The following LPP variants were observed in gnomAD, a reference collection of about 807,000 sequenced individuals.
LPP encodes LIM domain containing preferred translocation partner in lipoma.
LPP carries 38 observed loss-of-function variants against 60.4 expected under a neutral mutation model. That is an observed-to-expected ratio of 0.63 (90% CI 0.49 to 0.83). The LOEUF (loss-of-function observed/expected upper bound fraction) is 0.83, where lower values mean the gene tolerates loss of function less well. LPP is among the 40% of genes least tolerant of loss of function. The probability of loss-of-function intolerance (pLI) is 0.00; values close to 1 mark genes in which losing one functional copy is unlikely to be tolerated. For synonymous variants in LPP, 328 were observed against 290.8 expected (o/e 1.13, Z -1.30); for missense variants, 902 against 783.6 (o/e 1.15, Z -1.80).
chr3:188,658,137 G>GTTTAGTTTAGTTTAGTTTAGT (rs375100095), intron 7 of LPP, among the ~76,000 whole-genome samples: 26,461 of 145,948 alleles, frequency 0.18, 2,943 homozygotes, highest in Middle Eastern at 0.23. Flanking sequence ...TTTAGTTTAG[G>GTTTAGTTTAGTTTAGTTTAGT]TTAGTTTAGT....
intron 2 of LPP, among the ~76,000 whole-genome samples, chr3:188,256,104 A>C (rs755027104): frequency 1.3e-5 from 2 of 151,786 alleles, no homozygotes; most frequent in Non-Finnish European, 2.9e-5. Context: ...ACTAATTGAA[A>C]TATAAAGGAA....
chr3:188,524,961 C>T, intron 6 of LPP, among the ~76,000 whole-genome samples, 174 bp downstream of exon 6: 1 of 125,110 alleles, frequency 8.0e-6, no homozygotes, highest in African/African-American at 3.0e-5. Flanking sequence ...TCTCTCTCTT[C>T]TTTCTTTCTC....
intron 2 of LPP, among the ~76,000 whole-genome samples, chr3:188,292,405 A>G (rs561109990): frequency 7.9e-5 from 12 of 152,216 alleles, no homozygotes; most frequent in Non-Finnish European, 1.5e-4. Flanking sequence ...CAATACCTCT[A>G]CACTCCAAAA....
intron 2 of LPP, among the ~76,000 whole-genome samples, chr3:188,267,197 C>A (rs535117199): frequency 1.3e-5 from 2 of 152,284 alleles, no homozygotes; most frequent in South Asian, 4.1e-4. Context: ...CTTCTTGCCT[C>A]TCAAGTCCTT....
intron 8 of LPP, among the ~76,000 whole-genome samples, chr3:188,744,723 T>A (rs1197606900): frequency 6.6e-6 from 1 of 152,190 alleles, no homozygotes; most frequent in Non-Finnish European, 1.5e-5. Context: ...CCCTCTTCAG[T>A]TTTTCCTCTA....
chr3:188,526,511 G>A (rs1027190557), intron 6 of LPP, among the ~76,000 whole-genome samples: 1 of 152,034 alleles, frequency 6.6e-6, no homozygotes, highest in Non-Finnish European at 1.5e-5. Flanking sequence ...GGCTTCTCTG[G>A]AACTCCTGAC....
chr3:188,443,355 G>A (rs937525241), intron 4 of LPP, among the ~76,000 whole-genome samples: 3 of 152,196 alleles, frequency 2.0e-5, no homozygotes, highest in South Asian at 2.1e-4. Flanking sequence ...GAGTGAAAAG[G>A]TATTGGCTTG....
chr3:188,767,308 C>T (rs1734462722), intron 9 of LPP, among the ~76,000 whole-genome samples: 1 of 152,106 alleles, frequency 6.6e-6, no homozygotes, highest in Non-Finnish European at 1.5e-5. Flanking sequence ...GTCTGAAGAA[C>T]ATTACTTTTT....
rs1280918117 is a variant in LPP, at chr3:188,879,312, A to T, written c.*4833A>T. On this transcript the variant is annotated 3_prime_UTR_variant, in exon 12 of 12. Transcript: ENST00000617246. Reference sequence around the variant, plus strand: ...CTTCTTATTTTCTTTCCTACTTTCCATCCTACCTATTAGTGTTGCTGTACT... The same window carrying T: ...CTTCTTATTTTCTTTCCTACTTTCCTTCCTACCTATTAGTGTTGCTGTACT... 1 of 224,892 alleles carries T rather than the reference A, an allele frequency of 4.4e-6. No individual in the cohort carries two copies. The highest frequency in any genetic ancestry group is 6.4e-5 in the East Asian group (1 of 15,618). 13.9% of individuals were successfully genotyped at this position (224,892 alleles called of 1,614,324 possible). A position where few individuals can be genotyped will look rare whatever the true frequency, so the allele number is the denominator to read the frequency against.
At chr3:188,657,758 T>C (rs1580745114) in intron 7 of LPP, among the ~76,000 whole-genome samples, 1 of 152,142 alleles carries the variant, frequency 6.6e-6, no homozygotes, top group African/African-American at 2.4e-5. Context: ...TGTTTCTCTA[T>C]AGAGAATACC....
chr3:188,735,074 C>T (rs1036360258), intron 8 of LPP, among the ~76,000 whole-genome samples: 4 of 152,092 alleles, frequency 2.6e-5, no homozygotes, highest in African/African-American at 9.7e-5. Flanking sequence ...CTGATCTATA[C>T]CCAGAACATA....
rs556413319 is a variant in LPP at position 188,303,411 on chromosome 3, G to A, written c.-66-38252G>A. On this transcript the variant is annotated intron_variant, in intron 2 of 11. Coordinates refer to ENST00000617246, the MANE Select transcript of LPP (RefSeq NM_001375462.1). ...TAGAGTAGTACCTGGCATGGGATAG[G>A]TGACCAGTAAATATTTGTTGAATGA... is the stretch of plus-strand genomic sequence containing the variant. Among the ~76,000 whole-genome samples, 4 of 152,298 alleles carry A rather than the reference G, an allele frequency of 2.6e-5. No individual in the cohort carries two copies. In the South Asian group the frequency reaches 8.3e-4, roughly 32 times the overall value.
At chr3:188,566,995 T>C (rs188794918) in intron 6 of LPP, among the ~76,000 whole-genome samples, 1 of 151,902 alleles carries the variant, frequency 6.6e-6, no homozygotes, top group African/African-American at 2.4e-5. Flanking sequence ...GCAAAGAGGA[T>C]GCAAATTATA....
At chr3:188,570,941 T>C (rs1833397977) in intron 6 of LPP, among the ~76,000 whole-genome samples, 1 of 152,140 alleles carries the variant, frequency 6.6e-6, no homozygotes, top group Admixed American at 6.6e-5. Context: ...AAATAGCTAC[T>C]GTATATAATC....
At chr3:188,190,709 T>G (rs943137896) in intron 1 of LPP, among the ~76,000 whole-genome samples, 15 of 152,142 alleles carry the variant, frequency 9.9e-5, no homozygotes, top group African/African-American at 3.4e-4. Context: ...TACATCCTAG[T>G]CCATAAGATT....
chr3:188,610,808 G>C lies in LPP; in HGVS notation c.1113+964G>C, dbSNP rs1843551377. On this transcript the variant is annotated intron_variant, in intron 7 of 11. Transcript: ENST00000617246. The surrounding 1 kb of genome is among the most constrained non-coding windows in gnomAD (Gnocchi z 4.4). ...GAATAACTTGGAATCGGTGAAAATA[G>C]AGGAACTGAGCCAGTTTCCAGCCAC... 1.3e-5 allele frequency among the ~76,000 whole-genome samples: 2 copies of C among 152,142 alleles called. No individual in the cohort carries two copies. Among genetic ancestry groups the C allele is most frequent in the Admixed American group, 6.5e-5 (1 of 15,290 alleles).
At chr3:188,173,671 T>G (rs926178572) in intron 1 of LPP, among the ~76,000 whole-genome samples, 3 of 152,152 alleles carry the variant, frequency 2.0e-5, no homozygotes, top group Non-Finnish European at 4.4e-5. Context: ...CCCACCTTTT[T>G]TTCTTCCCCT....
At chr3:188,639,316 T>C (rs2148730046) in intron 7 of LPP, among the ~76,000 whole-genome samples, 1 of 149,354 alleles carries the variant, frequency 6.7e-6, no homozygotes, top group East Asian at 2.0e-4. Flanking sequence ...TAGCCATATG[T>C]AGAAAGCTGA....
intron 6 of LPP, among the ~76,000 whole-genome samples, chr3:188,535,998 A>G (rs1199621465): frequency 1.6e-5 from 2 of 125,164 alleles, no homozygotes; most frequent in Non-Finnish European, 1.6e-5. Flanking sequence ...TAATTATTAC[A>G]TGAATTTTTT....
Sources: allele counts gnomAD v4.1 joint callset (sites outside exome capture counted in the v4.1 genomes callset), GRCh38; gene constraint gnomAD v4.1.1; non-coding constraint Gnocchi (gnomAD v3.1); transcripts MANE v1.5; gene names NCBI Gene and HGNC (gene_info 2026-07-23, HGNC 2026-07-21).